Variants in CACNA1B observed in about 807,000 individuals in gnomAD.
CACNA1B encodes voltage-dependent N-type calcium channel subunit alpha-1B.
A neutral mutation model predicts 247.2 loss-of-function variants in CACNA1B; 70 were observed. The observed-to-expected ratio is 0.28, with a 90% CI of 0.23 to 0.35. CACNA1B has a LOEUF of 0.35. CACNA1B is among the 10% of genes least tolerant of loss of function. The pLI, the probability that CACNA1B is intolerant of heterozygous loss-of-function variation, is 1.00. For missense variants in CACNA1B, 2,367 were observed against 3,197.4 expected, an observed-to-expected ratio of 0.74 and a Z score of 6.26; for synonymous variants, 1,231 against 1,294.4, an observed-to-expected ratio of 0.95 and a Z score of 1.05.
chr9:137,882,623 G>A lies in CACNA1B; in HGVS notation c.391-121G>A, dbSNP rs1956940203. ...AGGGTGTTGGGGGCAAGGTGAGGAG[G>A]GTCAGACCCTCACGATAGCTGTGGC... On this transcript the variant is annotated intron_variant, in intron 2 of 46. Coordinates refer to ENST00000371372, the MANE Select transcript of CACNA1B (RefSeq NM_000718.4). This position sits in a 1 kb window ranked among gnomAD's most constrained non-coding sequence, Gnocchi z 4.0. The A allele has an allele frequency of 1.8e-6, 2 of 1,130,844 alleles. No individual in the cohort carries two copies. Among genetic ancestry groups the A allele is most frequent in the Admixed American group, 4.1e-5 (2 of 48,868 alleles). The allele number at this position is 1,130,844 out of a possible 1,614,324, so 70.1% of individuals were successfully genotyped here. A position where few individuals can be genotyped will look rare whatever the true frequency, so the allele number is the denominator to read the frequency against.
At chr9:138,043,512 G>A (rs1959155142) in intron 20 of CACNA1B, among the ~76,000 whole-genome samples, 1 of 152,194 alleles carries the variant, frequency 6.6e-6, no homozygotes, top group African/African-American at 2.4e-5. Flanking sequence ...ACAGCCACGG[G>A]TGCTGGGCTC....
chr9:137,959,932 G>A (rs536946738), intron 10 of CACNA1B, among the ~76,000 whole-genome samples: 2 of 152,318 alleles, frequency 1.3e-5, no homozygotes, highest in South Asian at 4.1e-4. Flanking sequence ...GGTCAGGAAG[G>A]CAGGAGTGGA....
At position 137,986,408 on chromosome 9, in the gene CACNA1B, C is replaced by T. The variant is rs201472732; in HGVS notation, c.1770-5C>T. ...CTGGCTCAGACCCCCTGCCTGGCCCCGCAGGTACTGGAGCTCCCTGCGGAA... is the reference window on the plus strand; with the variant it reads ...CTGGCTCAGACCCCCTGCCTGGCCCTGCAGGTACTGGAGCTCCCTGCGGAA... On this transcript the variant is annotated splice_region_variant and splice_polypyrimidine_tract_variant and intron_variant, in intron 13 of 46. Coordinates refer to ENST00000371372, the MANE Select transcript of CACNA1B (RefSeq NM_000718.4). This position sits in a 1 kb window ranked among gnomAD's most constrained non-coding sequence, Gnocchi z 6.0. The T allele has an allele frequency of 1.2e-4, 189 of 1,613,448 alleles. 2 individuals carry two copies. Among genetic ancestry groups the T allele is most frequent in the South Asian group, 1.1e-3 (96 of 90,974 alleles).
intron 23 of CACNA1B, among the ~76,000 whole-genome samples, chr9:138,048,995 G>C (rs943533012): frequency 3.3e-5 from 5 of 152,228 alleles, no homozygotes; most frequent in Non-Finnish European, 7.3e-5. Flanking sequence ...TGGGATTTCA[G>C]GCATAAGCCA....
At chr9:137,979,002 G>C (rs1958262134) in intron 12 of CACNA1B, among the ~76,000 whole-genome samples, 1 of 152,218 alleles carries the variant, frequency 6.6e-6, no homozygotes, top group South Asian at 2.1e-4. Context: ...GAAGGTCTGA[G>C]TGCATCGGCC....
At chr9:138,116,338 G>A (rs1469701166) in intron 42 of CACNA1B, among the ~76,000 whole-genome samples, 3 of 152,110 alleles carry the variant, frequency 2.0e-5, no homozygotes, top group African/African-American at 4.8e-5. Flanking sequence ...CAATATTTCC[G>A]GGTAACAAAT....
chr9:138,008,600 C>T (rs1306683504), intron 16 of CACNA1B, among the ~76,000 whole-genome samples: 2 of 152,224 alleles, frequency 1.3e-5, no homozygotes, highest in African/African-American at 4.8e-5. Context: ...CCTGACCTGC[C>T]AGGGTCACTG....
At position 138,105,689 on chromosome 9, in the gene CACNA1B, T is replaced by C. The variant is rs1333656309; in HGVS notation, c.5320-10T>C. 2 of 1,513,432 alleles carry C rather than the reference T, an allele frequency of 1.3e-6. No homozygotes were observed. The highest frequency in any genetic ancestry group is 2.4e-5 in the South Asian group (2 of 83,406). The allele number at this position is 1,513,432 out of a possible 1,614,324, so 93.8% of individuals were successfully genotyped here. On this transcript the variant is annotated splice_polypyrimidine_tract_variant and intron_variant, in intron 38 of 46. Transcript: ENST00000371372. Reference sequence around the variant, plus strand: ...CAGGCCTGGCCCTGACCGGCCCTGCTTGTCCCTAGCGCCTGGTTCGCATGA... The same window carrying C: ...CAGGCCTGGCCCTGACCGGCCCTGCCTGTCCCTAGCGCCTGGTTCGCATGA...
intron 37 of CACNA1B, among the ~76,000 whole-genome samples, chr9:138,099,516 G>GGT (rs1044854783): frequency 6.6e-6 from 1 of 151,616 alleles, no homozygotes; most frequent in Non-Finnish European, 1.5e-5. Context: ...ACGTGTCTGT[G>GGT]GTGTGCACGT....
At chr9:137,972,405 C>T (rs919975606) in intron 11 of CACNA1B, among the ~76,000 whole-genome samples, 1 of 152,166 alleles carries the variant, frequency 6.6e-6, no homozygotes, top group African/African-American at 2.4e-5. Flanking sequence ...TTGGGGCTCC[C>T]TGGAGGGCCT....
chr9:137,939,627 G>A (rs867113963), intron 6 of CACNA1B, among the ~76,000 whole-genome samples: 2 of 151,396 alleles, frequency 1.3e-5, no homozygotes, highest in African/African-American at 2.4e-5. Context: ...GTGAAACCCC[G>A]TCTCTACCAA....
rs1311062234 is a variant in CACNA1B, at chr9:138,031,021, ATTAT to A, written c.3286+5852_3286+5855del. Among the ~76,000 whole-genome samples the A allele has an allele frequency of 4.0e-5, 6 of 151,894 alleles. No individual in the cohort carries two copies. The East Asian group carries it at 7.7e-4, about 20-fold the overall frequency. On this transcript the variant is annotated intron_variant, in intron 20 of 46. Transcript: ENST00000371372. ...AATTATTGTTACATTGATTTTCCCT[ATTAT>A]TTTTCTGTTTTCAATTTCTTTTGAT...
chr9:137,921,073 T>A (rs1472201298), intron 6 of CACNA1B, among the ~76,000 whole-genome samples: 1 of 151,968 alleles, frequency 6.6e-6, no homozygotes, highest in Non-Finnish European at 1.5e-5. Context: ...AGTACTTGAC[T>A]CATGGACAGT....
chr9:138,031,191 T>G (rs1441974201), intron 20 of CACNA1B, among the ~76,000 whole-genome samples: 2 of 152,212 alleles, frequency 1.3e-5, no homozygotes, highest in African/African-American at 4.8e-5. Flanking sequence ...TCTGTAAGTT[T>G]CCCTCTTGGC....
chr9:138,076,712 A>G (rs1960332226), intron 35 of CACNA1B, among the ~76,000 whole-genome samples: 1 of 152,192 alleles, frequency 6.6e-6, no homozygotes, highest in Non-Finnish European at 1.5e-5. Flanking sequence ...AGTCTCCCAC[A>G]GTTTATCACT....
intron 20 of CACNA1B, among the ~76,000 whole-genome samples, chr9:138,029,544 C>T (rs921912032): frequency 2.0e-5 from 3 of 151,618 alleles, no homozygotes; most frequent in African/African-American, 7.3e-5. Flanking sequence ...TAAAAATTTC[C>T]CTCTGTTTCA....
chr9:137,987,564 G>A lies in CACNA1B; in HGVS notation c.1974+710G>A, dbSNP rs116166815. Among the ~76,000 whole-genome samples the A allele has an allele frequency of 5.4e-3, 826 of 152,244 alleles. 8 individuals are homozygous for A. Among genetic ancestry groups the A allele is most frequent in the African/African-American group, 0.019 (773 of 41,542 alleles). On this transcript the variant is annotated intron_variant, in intron 15 of 46. Transcript: ENST00000371372. ...TTGTCTTGCCTGTGATGCCTCTTACGGAGGCCCAACAGGCTGTGTTTGCTG... is the reference window on the plus strand; with the variant it reads ...TTGTCTTGCCTGTGATGCCTCTTACAGAGGCCCAACAGGCTGTGTTTGCTG...
chr9:137,954,856 T>TGTGTGTGTGTGTG lies in CACNA1B; in HGVS notation c.1071-842_1071-841insGTGTGTGTGTGTG, dbSNP rs1554737971. 7.0e-3 allele frequency among the ~76,000 whole-genome samples: 848 copies of TGTGTGTGTGTGTG among 120,822 alleles called. 5 individuals carry two copies. The highest frequency in any genetic ancestry group is 9.6e-3 in the Non-Finnish European group (589 of 61,082). 79.3% of individuals were successfully genotyped at this position (120,822 alleles called of 152,430 possible). ...ACACCCACTCCACCAACTCAGAAGCTTGTGTGTGTGTGTGTGTGTGTGTGA... is the reference window on the plus strand; with the variant it reads ...ACACCCACTCCACCAACTCAGAAGCTGTGTGTGTGTGTGTGTGTGTGTGTGTGTGTGTGTGTGA... On this transcript the variant is annotated intron_variant, in intron 7 of 46. Coordinates refer to ENST00000371372, the MANE Select transcript of CACNA1B (RefSeq NM_000718.4). The surrounding 1 kb of genome is among the most constrained non-coding windows in gnomAD (Gnocchi z 4.1).
At chr9:138,017,208 C>A in intron 18 of CACNA1B, 1 of 519,064 alleles carries the variant, frequency 1.9e-6, no homozygotes, top group Non-Finnish European at 3.8e-6. Context: ...CACCGTGAGT[C>A]GCTCTGCTAC....
Sources: allele counts gnomAD v4.1 joint callset (sites outside exome capture counted in the v4.1 genomes callset), GRCh38; gene constraint gnomAD v4.1.1; non-coding constraint Gnocchi (gnomAD v3.1); transcripts MANE v1.5; gene names NCBI Gene and HGNC (gene_info 2026-07-23, HGNC 2026-07-21).